Variants in FBXW7 observed in about 807,000 individuals in gnomAD.
FBXW7 encodes the protein F-box/WD repeat-containing protein 7.
In FBXW7, 11 loss-of-function variants were observed where a neutral mutation model predicts 86.3. That is an observed-to-expected ratio of 0.13 (90% confidence interval 0.08 to 0.21). FBXW7 has a LOEUF of 0.21. Among genes scored for constraint, FBXW7 ranks in the 10% least tolerant of loss-of-function variants. The pLI, the probability that FBXW7 is intolerant of heterozygous loss-of-function variation, is 1.00. For missense variants in FBXW7, 488 were observed against 847.4 expected, an observed-to-expected ratio of 0.58 and a Z score of 5.27; for synonymous variants, 313 against 297.9, an observed-to-expected ratio of 1.05 and a Z score of -0.52.
chr4:152,434,318 A>G (rs1057220305), intron 2 of FBXW7, among the ~76,000 whole-genome samples: 9 of 152,220 alleles, frequency 5.9e-5, no homozygotes, highest in Non-Finnish European at 1.0e-4. Flanking sequence ...CAAACTTGCT[A>G]TGTGGTACCA....
At chr4:152,522,076 G>C (rs1359925245) in intron 2 of FBXW7, among the ~76,000 whole-genome samples, 1 of 152,084 alleles carries the variant, frequency 6.6e-6, no homozygotes, top group Non-Finnish European at 1.5e-5. Context: ...AAGAGCCCTT[G>C]ACTTGGTGAG....
At chr4:152,433,450 C>T (rs1467591112) in intron 2 of FBXW7, among the ~76,000 whole-genome samples, 2 of 152,216 alleles carry the variant, frequency 1.3e-5, no homozygotes, top group East Asian at 3.8e-4. Flanking sequence ...TCTGCATCTC[C>T]ATGGTGGCTA....
At chr4:152,405,420 TAG>T (rs1277510531) in intron 4 of FBXW7, among the ~76,000 whole-genome samples, 3 of 151,908 alleles carry the variant, frequency 2.0e-5, no homozygotes, top group African/African-American at 7.3e-5. Flanking sequence ...TCAAAACAAG[TAG>T]AGAGGAGAGG....
At chr4:152,520,417 G>A (rs1748906616) in intron 2 of FBXW7, among the ~76,000 whole-genome samples, 1 of 148,268 alleles carries the variant, frequency 6.7e-6, no homozygotes, top group South Asian at 2.2e-4. Context: ...TCCGGCCTGG[G>A]CGACAGAGCG....
At chr4:152,504,029 C>T (rs936528381) in intron 2 of FBXW7, among the ~76,000 whole-genome samples, 7 of 152,170 alleles carry the variant, frequency 4.6e-5, no homozygotes, top group African/African-American at 1.7e-4. Context: ...AAGATCTACT[C>T]TAATGTCAAC....
intron 2 of FBXW7, among the ~76,000 whole-genome samples, chr4:152,413,208 T>C (rs1373978531): frequency 6.6e-6 from 1 of 152,080 alleles, no homozygotes; most frequent in Non-Finnish European, 1.5e-5. Flanking sequence ...ATCCTAAAAT[T>C]TGAGGAAGGT....
At chr4:152,520,467 T>C (rs566136142) in intron 2 of FBXW7, among the ~76,000 whole-genome samples, 41 of 151,378 alleles carry the variant, frequency 2.7e-4, no homozygotes, top group African/African-American at 9.5e-4. Flanking sequence ...AAATCAATCA[T>C]TACCAAAAGC....
chr4:152,442,050 C>T (rs1740940768), intron 2 of FBXW7, among the ~76,000 whole-genome samples: 1 of 152,124 alleles, frequency 6.6e-6, no homozygotes. Flanking sequence ...TGATCTTATA[C>T]AAAATTCAAG....
chr4:152,513,148 T>C (rs1748141533), intron 2 of FBXW7, among the ~76,000 whole-genome samples: 1 of 152,184 alleles, frequency 6.6e-6, no homozygotes, highest in Non-Finnish European at 1.5e-5. Flanking sequence ...CATGAGCCAT[T>C]GCGCCTGGCC....
At chr4:152,349,941 G>A (rs968353781) in intron 5 of FBXW7, 101 bp downstream of exon 5, 15 of 581,000 alleles carry the variant, frequency 2.6e-5, no homozygotes, top group African/African-American at 2.5e-4. Context: ...ACAGTCAACC[G>A]TACTAGTAAC....
intron 2 of FBXW7, among the ~76,000 whole-genome samples, chr4:152,432,912 T>C (rs946321346): frequency 1.3e-5 from 2 of 152,248 alleles, no homozygotes; most frequent in African/African-American, 4.8e-5. Context: ...TTTAGATAAC[T>C]ACTGTTCCAT....
At chr4:152,383,479 A>T (rs947538553) in intron 4 of FBXW7, among the ~76,000 whole-genome samples, 1 of 152,110 alleles carries the variant, frequency 6.6e-6, no homozygotes, top group Non-Finnish European at 1.5e-5. Flanking sequence ...TAATCTTTAT[A>T]CTATAATCCA....
At chr4:152,527,865 T>TATAC (rs1554003395) in intron 2 of FBXW7, among the ~76,000 whole-genome samples, 9,677 of 137,422 alleles carry the variant, frequency 0.07, 377 homozygotes, top group Middle Eastern at 0.087. Flanking sequence ...AAAAATTATA[T>TATAC]ACACACACAC....
At chr4:152,408,250 T>G (rs1242938360) in intron 4 of FBXW7, among the ~76,000 whole-genome samples, 1 of 152,240 alleles carries the variant, frequency 6.6e-6, no homozygotes, top group Non-Finnish European at 1.5e-5. Flanking sequence ...TCATCTCATT[T>G]GTTTTTCATG....
intron 5 of FBXW7, among the ~76,000 whole-genome samples, chr4:152,348,995 T>C (rs1731540861): frequency 6.6e-6 from 1 of 152,098 alleles, no homozygotes; most frequent in Admixed American, 6.6e-5. Flanking sequence ...TCTCTTCACT[T>C]TTTGAATGTA....
rs1188999733 is a variant in FBXW7, at chr4:152,536,013, G to GGCAGCGGCA, written c.-1108_-1100dup. 9.1e-6 allele frequency: 2 copies of GGCAGCGGCA among 220,942 alleles called. No individual in the cohort carries two copies. The highest frequency in any genetic ancestry group is 1.8e-5 in the Non-Finnish European group (2 of 113,262). The allele number at this position is 220,942 out of a possible 1,614,324, so 13.7% of individuals were successfully genotyped here. A position where few individuals can be genotyped will look rare whatever the true frequency, so the allele number is the denominator to read the frequency against. On this transcript the variant is annotated 5_prime_UTR_variant, in exon 1 of 14. Transcript: ENST00000281708. ...TCTCAGTCTCAGCGGCGGCGGCGGC[G>GGCAGCGGCA]GCAGCGGCAGCGGCAGCGCCCGGAG...
chr4:152,366,233 A>T (rs1039203233), intron 4 of FBXW7, among the ~76,000 whole-genome samples: 1 of 152,176 alleles, frequency 6.6e-6, no homozygotes, highest in Admixed American at 6.6e-5. Flanking sequence ...CTACATATTT[A>T]TCAGTCATAC....
intron 4 of FBXW7, among the ~76,000 whole-genome samples, chr4:152,378,592 T>C (rs971099658): frequency 3.3e-5 from 5 of 152,206 alleles, no homozygotes; most frequent in Admixed American, 6.5e-5. Context: ...TCTACTAAAA[T>C]AGTAACACTG....
chr4:152,349,220 G>A (rs1173098258), intron 5 of FBXW7, among the ~76,000 whole-genome samples: 1 of 151,744 alleles, frequency 6.6e-6, no homozygotes, highest in Non-Finnish European at 1.5e-5. Context: ...AGGAAGAAAT[G>A]TCATAACCAT....
Sources: gnomAD v4.1 joint callset for allele counts (sites outside exome capture counted in the v4.1 genomes callset) on GRCh38, gnomAD v4.1.1 for gene constraint, MANE v1.5 for transcripts, NCBI Gene and HGNC (gene_info 2026-07-23, HGNC 2026-07-21) for gene names.